PIK3CD: variants seen among roughly 807,000 people sequenced by gnomAD.
The protein encoded by PIK3CD is phosphatidylinositol-4,5-bisphosphate 3-kinase catalytic subunit delta.
Under a neutral mutation model 122.9 loss-of-function variants are expected in PIK3CD, and 20 were observed. That is an observed-to-expected ratio of 0.16 (90% CI 0.11 to 0.24). PIK3CD has a LOEUF of 0.24. Ranked by LOEUF, PIK3CD falls within the 10% of genes least tolerant of loss-of-function variation. PIK3CD has a pLI of 1.00. For synonymous variants in PIK3CD, 596 were observed against 593.4 expected (o/e 1.00, Z -0.06); for missense variants, 787 against 1,406.3 (o/e 0.56, Z 7.04).
the PIK3CD span, among the ~76,000 whole-genome samples, chr1:9,629,309 G>A: frequency 1.3e-5 from 2 of 152,098 alleles, no homozygotes; most frequent in African/African-American, 4.8e-5. Flanking sequence ...TCTTCTCCGA[G>A]AAAGAGGCCG....
chr1:9,656,986 G>C lies in PIK3CD; in HGVS notation c.-138+5184G>C, dbSNP rs535438222. Among the ~76,000 whole-genome samples, 7 of 151,870 alleles carry C rather than the reference G, an allele frequency of 4.6e-5. No homozygotes were observed. The East Asian group carries it at 1.4e-3, about 29-fold the overall frequency. On this transcript the variant is annotated intron_variant, in intron 1 of 23. Coordinates refer to ENST00000377346, the MANE Select transcript of PIK3CD (RefSeq NM_005026.5). Reference sequence around the variant, plus strand: ...AAATGTATTCTCTCACAGTTCTGGAGGCCAGAAGTTAAAAATTAAGGCATC... The same window carrying C: ...AAATGTATTCTCTCACAGTTCTGGACGCCAGAAGTTAAAAATTAAGGCATC...
the PIK3CD span, among the ~76,000 whole-genome samples, chr1:9,627,704 C>A: frequency 6.6e-6 from 1 of 152,190 alleles, no homozygotes; most frequent in African/African-American, 2.4e-5. Context: ...GAGTCTCCTG[C>A]ACAAAGGGAA....
chr1:9,720,507 A>G lies in PIK3CD; in HGVS notation c.1471-104A>G, dbSNP rs547408505. The G allele has an allele frequency of 5.9e-6, 9 of 1,534,548 alleles. No individual in the cohort carries two copies. The East Asian group carries it at 7.4e-5, about 13-fold the overall frequency. On this transcript the variant is annotated intron_variant, in intron 11 of 23. Transcript: ENST00000377346. This position sits in a 1 kb window ranked among gnomAD's most constrained non-coding sequence, Gnocchi z 9.0. ...CTGTGGATGCGCCTCCATGCAGAGG[A>G]CAGCGCCCCCTCAAGGATGATTGGG...
rs577683217 is a variant in PIK3CD, at chr1:9,653,733, G to A, written c.-138+1931G>A. Reference sequence around the variant, plus strand: ...AGAGCTTTCTCTTTGGCTCTCTCTAGAGCAGAAATGCCAACCCCTTAGCAT... The same window carrying A: ...AGAGCTTTCTCTTTGGCTCTCTCTAAAGCAGAAATGCCAACCCCTTAGCAT... On this transcript the variant is annotated intron_variant, in intron 1 of 23. Coordinates refer to ENST00000377346, the MANE Select transcript of PIK3CD (RefSeq NM_005026.5). 1.2e-5 allele frequency: 14 copies of A among 1,196,674 alleles called. No homozygotes were observed. In the South Asian group the frequency reaches 1.6e-4, roughly 13 times the overall value. 74.1% of individuals were successfully genotyped at this position (1,196,674 alleles called of 1,614,324 possible).
chr1:9,667,530 C>G (rs1645195916), intron 1 of PIK3CD, among the ~76,000 whole-genome samples: 1 of 151,906 alleles, frequency 6.6e-6, no homozygotes, highest in African/African-American at 2.4e-5. Flanking sequence ...GCTCACGCCA[C>G]CACGCCCGGC....
chr1:9,710,683 A>T lies in PIK3CD; in HGVS notation c.141+87A>T. The T allele has an allele frequency of 6.9e-7, 1 of 1,458,786 alleles. No homozygotes were observed. The highest frequency in any genetic ancestry group is 1.7e-5 in the Admixed American group (1 of 59,450). The allele number at this position is 1,458,786 out of a possible 1,614,324, so 90.4% of individuals were successfully genotyped here. A position where few individuals can be genotyped will look rare whatever the true frequency, so the allele number is the denominator to read the frequency against. On this transcript the variant is annotated intron_variant, in intron 3 of 23. Coordinates refer to ENST00000377346, the MANE Select transcript of PIK3CD (RefSeq NM_005026.5). This position sits in a 1 kb window ranked among gnomAD's most constrained non-coding sequence, Gnocchi z 4.7. ...CAGATAGACAGACAGACAGACAGAC[A>T]GATGGACAGGTGGACAGACGGACAG...
chr1:9,722,049 G>A lies in PIK3CD; in HGVS notation c.2130G>A (p.Gln710=), dbSNP rs772123949. The A allele has an allele frequency of 2.5e-6, 4 of 1,613,592 alleles. No individual in the cohort carries two copies. The highest frequency in any genetic ancestry group is 3.4e-6 in the Non-Finnish European group (4 of 1,180,016). ...GCTCTCAGAAGACCCCCAAGCCCCA[G>A]ACCAAGGAGCTGATGCACTTGTGCA... ...KLSSQKTPKP[Q]TKELMHLCMR... is the part of the protein sequence containing the mutation. Residue 710 remains glutamine (Q), a synonymous_variant, in exon 17 of 24, where the codon CAG becomes CAA. Transcript: ENST00000377346. This position sits in a 1 kb window ranked among gnomAD's most constrained non-coding sequence, Gnocchi z 7.6.
At chr1:9,676,452 C>T (rs1645541505) in intron 1 of PIK3CD, among the ~76,000 whole-genome samples, 1 of 152,258 alleles carries the variant, frequency 6.6e-6, no homozygotes, top group African/African-American at 2.4e-5. Flanking sequence ...AAGGACGCAG[C>T]TCTGGTGCCT....
rs1647230367 is a variant in PIK3CD, at chr1:9,715,085, G to A, written c.142-456G>A. On this transcript the variant is annotated intron_variant, in intron 3 of 23. Coordinates refer to ENST00000377346, the MANE Select transcript of PIK3CD (RefSeq NM_005026.5). The surrounding 1 kb of genome is among the most constrained non-coding windows in gnomAD (Gnocchi z 4.1). ...CCAGCTACTCGGGAGGCTGAGGCAA[G>A]AGAATCACTTGAACCTGGGAAGCAG... Among the ~76,000 whole-genome samples, 1 of 152,206 alleles carries A rather than the reference G, an allele frequency of 6.6e-6. No homozygotes were observed. The highest frequency in any genetic ancestry group is 1.5e-5 in the Non-Finnish European group (1 of 68,028).
intron 2 of PIK3CD, among the ~76,000 whole-genome samples, chr1:9,702,381 G>A (rs1361043393): frequency 6.6e-6 from 1 of 152,002 alleles, no homozygotes; most frequent in Non-Finnish European, 1.5e-5. Flanking sequence ...AGACGCCTTA[G>A]GGCCTGATGG....
chr1:9,703,197 A>T (rs190033020), intron 2 of PIK3CD, among the ~76,000 whole-genome samples: 73 of 152,290 alleles, frequency 4.8e-4, no homozygotes, highest in Admixed American at 3.7e-3. Flanking sequence ...GTCAAAACCC[A>T]CTGGACTGAC....
chr1:9,702,297 CTG>C lies in PIK3CD; in HGVS notation c.-32-8124_-32-8123del, dbSNP rs1353312432. Among the ~76,000 whole-genome samples the C allele has an allele frequency of 3.3e-5, 5 of 151,918 alleles. No homozygotes were observed. In the East Asian group the frequency reaches 7.8e-4, roughly 24 times the overall value. ...CATCTTGTTAGCTTGGAGTACCAAA[CTG>C]TGGCAAAAGGGTCTAAAAACTGTAT... On this transcript the variant is annotated intron_variant, in intron 2 of 23. Transcript: ENST00000377346.
chr1:9,674,228 C>T (rs1247881562), intron 1 of PIK3CD, among the ~76,000 whole-genome samples: 8 of 152,170 alleles, frequency 5.3e-5, no homozygotes, highest in Non-Finnish European at 8.8e-5. Flanking sequence ...TTTCTTTTCC[C>T]GTGGGTCCTG....
At chr1:9,667,887 C>A (rs1224961411) in intron 1 of PIK3CD, among the ~76,000 whole-genome samples, 2 of 149,388 alleles carry the variant, frequency 1.3e-5, no homozygotes, top group Non-Finnish European at 3.0e-5. Flanking sequence ...CAGGTGCTGC[C>A]ACCATGCCTG....
chr1:9,669,247 C>T (rs1645250868), intron 1 of PIK3CD, among the ~76,000 whole-genome samples: 1 of 152,180 alleles, frequency 6.6e-6, no homozygotes, highest in Non-Finnish European at 1.5e-5. Context: ...TAGCTCATTG[C>T]AGCCTCAGTC....
At chr1:9,643,384 G>T in the PIK3CD span, among the ~76,000 whole-genome samples, 1 of 146,716 alleles carries the variant, frequency 6.8e-6, no homozygotes, top group African/African-American at 2.5e-5. Context: ...CTCCAGCCTG[G>T]GTGACAGAGT....
At chr1:9,695,582 A>G (rs576625094) in intron 2 of PIK3CD, among the ~76,000 whole-genome samples, 45 of 152,244 alleles carry the variant, frequency 3.0e-4, no homozygotes, top group East Asian at 9.7e-4. Flanking sequence ...AATGGCTCAC[A>G]CCTGTAATCC....
intron 1 of PIK3CD, among the ~76,000 whole-genome samples, chr1:9,673,869 G>C (rs553898077): frequency 6.6e-6 from 1 of 152,066 alleles, no homozygotes; most frequent in Non-Finnish European, 1.5e-5. Flanking sequence ...TCACACCCAG[G>C]GTGCACCCTC....
At chr1:9,726,276 A>G (rs920614384) in intron 23 of PIK3CD, among the ~76,000 whole-genome samples, 4 of 152,298 alleles carry the variant, frequency 2.6e-5, no homozygotes, top group Admixed American at 2.0e-4. Context: ...TGGGAGGCCA[A>G]GGCGGGTGAA....
Sources: allele counts gnomAD v4.1 joint callset (sites outside exome capture counted in the v4.1 genomes callset), GRCh38; gene constraint gnomAD v4.1.1; non-coding constraint Gnocchi (gnomAD v3.1); transcripts MANE v1.5; gene names NCBI Gene and HGNC (gene_info 2026-07-23, HGNC 2026-07-21).